The following CNTN4 variants were observed in gnomAD, a reference collection of about 807,000 sequenced individuals.
CNTN4 encodes the protein contactin 4.
In CNTN4, 77 loss-of-function variants were observed where a neutral mutation model predicts 122.5. That is an observed-to-expected ratio of 0.63 (90% CI 0.52 to 0.76). The LOEUF (loss-of-function observed/expected upper bound fraction) is 0.76, where lower values mean the gene tolerates loss of function less well. Ranked by LOEUF, CNTN4 falls within the 30% of genes least tolerant of loss-of-function variation. The pLI is 0.00. For synonymous variants in CNTN4, 512 were observed against 447.0 expected, an observed-to-expected ratio of 1.15 and a Z score of -1.83; for missense variants, 1,256 against 1,259.1, an observed-to-expected ratio of 1.00 and a Z score of 0.04.
intron 13 of CNTN4, among the ~76,000 whole-genome samples, chr3:2,973,794 A>T (rs1475058507): frequency 1.3e-5 from 2 of 152,206 alleles, no homozygotes; most frequent in Non-Finnish European, 2.9e-5. Context: ...TGTAACATCA[A>T]TGCCATGTGA....
chr3:2,364,840 A>G (rs1056864134), intron 3 of CNTN4, among the ~76,000 whole-genome samples: 8 of 152,218 alleles, frequency 5.3e-5, no homozygotes, highest in African/African-American at 1.7e-4. Flanking sequence ...CATTGCCATG[A>G]CAATATCAAG....
intron 6 of CNTN4, among the ~76,000 whole-genome samples, chr3:2,755,881 A>G (rs187614948): frequency 5.1e-4 from 78 of 152,340 alleles, no homozygotes; most frequent in Non-Finnish European, 4.4e-5. Context: ...TTGTATCACC[A>G]TAAAAAAACC....
In CNTN4 at chr3:2,985,038, A is replaced by G. The variant is rs556699086; in HGVS notation, c.1359-3307A>G. ...GGTATCAGATGGTCTTTACTGAGCAACTGTTATATGCGTAGCTGTGATGTG... is the reference window on the plus strand; with the variant it reads ...GGTATCAGATGGTCTTTACTGAGCAGCTGTTATATGCGTAGCTGTGATGTG... On this transcript the variant is annotated intron_variant, in intron 13 of 24. Transcript: ENST00000418658. 3.3e-5 allele frequency among the ~76,000 whole-genome samples: 5 copies of G among 152,350 alleles called. No homozygotes were observed. In the South Asian group the frequency reaches 8.3e-4, roughly 25 times the overall value.
At chr3:2,779,697 T>A (rs1339490342) in intron 6 of CNTN4, among the ~76,000 whole-genome samples, 2 of 152,202 alleles carry the variant, frequency 1.3e-5, no homozygotes, top group East Asian at 3.8e-4. Context: ...ATGAAGATAT[T>A]AATACATACC....
Position 2,828,069 on chromosome 3 carries a change from CAGCATTTCACTTG to C in CNTN4, c.454+8491_454+8503del, listed in dbSNP as rs1289324308. ...GTACATATGGGAACAAGGAAGGGCC[CAGCATTTCACTTG>C]AGTCATCTCATTCTCTCTCTCTCTC... is the stretch of plus-strand genomic sequence containing the variant. On this transcript the variant is annotated intron_variant, in intron 7 of 24. Transcript: ENST00000418658. 2.2e-4 allele frequency among the ~76,000 whole-genome samples: 33 copies of C among 152,092 alleles called. No homozygotes were observed. In the East Asian group the frequency reaches 6.4e-3, roughly 29 times the overall value.
At chr3:2,430,353 C>T (rs558546301) in intron 3 of CNTN4, among the ~76,000 whole-genome samples, 52 of 146,106 alleles carry the variant, frequency 3.6e-4, no homozygotes, top group Middle Eastern at 3.6e-3. Flanking sequence ...ACCTGGGAGG[C>T]GGAGCTTGCA....
intron 3 of CNTN4, among the ~76,000 whole-genome samples, chr3:2,455,172 A>G (rs2048954034): frequency 6.6e-6 from 1 of 152,170 alleles, no homozygotes; most frequent in African/African-American, 2.4e-5. Flanking sequence ...AAGGGCTGCC[A>G]TTGAACACAG....
At chr3:2,839,276 C>G (rs1013414920) in intron 7 of CNTN4, among the ~76,000 whole-genome samples, 17 of 152,224 alleles carry the variant, frequency 1.1e-4, no homozygotes, top group African/African-American at 4.1e-4. Context: ...AAAGAATTCT[C>G]TGAAGTAAAT....
chr3:2,108,881 T>C (rs1466296479), intron 2 of CNTN4, among the ~76,000 whole-genome samples: 1 of 152,162 alleles, frequency 6.6e-6, no homozygotes, highest in Non-Finnish European at 1.5e-5. Context: ...CAGCTTTTGT[T>C]ATGGATTGTT....
At chr3:2,544,569 A>G (rs568327254) in intron 3 of CNTN4, among the ~76,000 whole-genome samples, 24 of 152,170 alleles carry the variant, frequency 1.6e-4, no homozygotes, top group African/African-American at 4.3e-4. Context: ...AACAAAGTAC[A>G]GTATTCAATT....
chr3:2,920,234 A>AATGAGTTTAG, intron 12 of CNTN4, among the ~76,000 whole-genome samples: 1 of 150,918 alleles, frequency 6.6e-6, no homozygotes, highest in South Asian at 2.1e-4. Flanking sequence ...ATGTATCTAA[A>AATGAGTTTAG]ACATTCTCAG....
At chr3:2,917,270 T>TC (rs2094376748) in intron 12 of CNTN4, among the ~76,000 whole-genome samples, 1 of 151,150 alleles carries the variant, frequency 6.6e-6, no homozygotes, top group Non-Finnish European at 1.5e-5. Context: ...AGCTTCGGCA[T>TC]CAGAGGGAGA....
intron 4 of CNTN4, among the ~76,000 whole-genome samples, chr3:2,574,050 C>G (rs1022620272): frequency 6.6e-6 from 1 of 152,084 alleles, no homozygotes; most frequent in Non-Finnish European, 1.5e-5. Flanking sequence ...AGCCCCGTCT[C>G]TACTAAAAAT....
At chr3:2,427,341 T>C (rs934585317) in intron 3 of CNTN4, among the ~76,000 whole-genome samples, 1 of 152,222 alleles carries the variant, frequency 6.6e-6, no homozygotes, top group African/African-American at 2.4e-5. Context: ...CCAGTAGTCA[T>C]TCAGGAGCAG....
At chr3:3,044,243 G>A (rs995371097) in intron 23 of CNTN4, among the ~76,000 whole-genome samples, 6 of 152,222 alleles carry the variant, frequency 3.9e-5, no homozygotes, top group Middle Eastern at 3.4e-3. Context: ...CCTTCTTGCA[G>A]CAATCAAAAA....
chr3:2,428,636 A>G (rs1289631391), intron 3 of CNTN4, among the ~76,000 whole-genome samples: 1 of 152,000 alleles, frequency 6.6e-6, no homozygotes, highest in Non-Finnish European at 1.5e-5. Flanking sequence ...CTAGTTGGGG[A>G]AGTTCTCCCA....
intron 2 of CNTN4, among the ~76,000 whole-genome samples, chr3:2,294,658 G>T (rs1443487083): frequency 1.3e-5 from 2 of 151,982 alleles, no homozygotes; most frequent in Non-Finnish European, 2.9e-5. Context: ...AAAAGAATAG[G>T]CTGTCTCTAA....
chr3:2,795,015 G>A (rs1411798096), intron 6 of CNTN4, among the ~76,000 whole-genome samples: 5 of 152,096 alleles, frequency 3.3e-5, no homozygotes, highest in Non-Finnish European at 5.9e-5. Context: ...GGGGTGGGGT[G>A]GGGACAAACA....
At chr3:2,621,940 G>A (rs1024706092) in intron 4 of CNTN4, among the ~76,000 whole-genome samples, 1 of 152,162 alleles carries the variant, frequency 6.6e-6, no homozygotes, top group Non-Finnish European at 1.5e-5. Flanking sequence ...GTGCTGTCAT[G>A]CTGCTTCTTG....
Sources: allele counts gnomAD v4.1 joint callset (sites outside exome capture counted in the v4.1 genomes callset), GRCh38; gene constraint gnomAD v4.1.1; transcripts MANE v1.5; gene names NCBI Gene and HGNC (gene_info 2026-07-23, HGNC 2026-07-21).